NGRN: variants seen among roughly 807,000 people sequenced by gnomAD.
NGRN encodes the protein neugrin, neurite outgrowth associated, also known as neugrin.
Under a neutral mutation model 13.1 loss-of-function variants are expected in NGRN, and 12 were observed. The ratio of observed to expected loss-of-function variants is 0.92; its 90% CI spans 0.59 to 1.49. The LOEUF (loss-of-function observed/expected upper bound fraction) is 1.49, where lower values mean the gene tolerates loss of function less well. Ranked by LOEUF, NGRN falls within the 40% of genes most tolerant of loss-of-function variation. NGRN has a pLI of 0.00. For missense variants in NGRN, 397 were observed against 357.0 expected, an observed-to-expected ratio of 1.11 and a Z score of -0.90; for synonymous variants, 149 against 145.8, an observed-to-expected ratio of 1.02 and a Z score of -0.16.
chr15:90,269,377 G>T (rs12913264), intron 2 of NGRN, among the ~76,000 whole-genome samples: 31,295 of 151,258 alleles, frequency 0.21, 3,665 homozygotes, highest in East Asian at 0.39. Context: ...TGTGCAGAAT[G>T]TGCAGGTTTG....
In NGRN at chr15:90,271,733, T is replaced by A; in HGVS notation, c.821T>A (p.Val274Glu). Residue 274 changes from valine to glutamate, a missense_variant, in exon 3 of 3, where the codon GTG becomes GAG. By Grantham distance (121) the Val-to-Glu change is moderately radical. Coordinates refer to ENST00000379095, the MANE Select transcript of NGRN (RefSeq NM_001033088.3). ...EEPDNFSSKV[V>E]QRGREFFDSN... is the part of the protein sequence containing the mutation. ...CCAGATAACTTCAGCAGCAAAGTAG[T>A]GCAGAGGGGCCGAGAGTTCTTTGAC... is the stretch of plus-strand genomic sequence containing the variant. 6.2e-7 allele frequency: 1 copy of A among 1,614,186 alleles called. No individual in the cohort carries two copies. Among genetic ancestry groups the A allele is most frequent in the Non-Finnish European group, 8.5e-7 (1 of 1,180,036 alleles).
rs1371842995 is a variant in NGRN, at chr15:90,271,545, T to C, written c.633T>C (p.Asn211=). ...CACCAAGGAGAAGGAAGGGAAGAAATAAAGAAATCCAGGACCTGGAGGAGA... is the reference window on the plus strand; with the variant it reads ...CACCAAGGAGAAGGAAGGGAAGAAACAAAGAAATCCAGGACCTGGAGGAGA... The part of the protein sequence containing the change: ...TNTPRRRKGR[N]KEIQDLEESF... The change falls in exon 3 of 3, where the codon AAT becomes AAC. Residue 211 remains asparagine, a synonymous_variant. Transcript: ENST00000379095. 1 of 1,613,706 alleles carries C rather than the reference T, an allele frequency of 6.2e-7. No individual in the cohort carries two copies. The highest frequency in any genetic ancestry group is 8.5e-7 in the Non-Finnish European group (1 of 1,179,972).
At chr15:90,266,162 A>C (rs1039224454) in intron 1 of NGRN, 126 bp from the exon 2 acceptor site, 10 of 1,474,704 alleles carry the variant, frequency 6.8e-6, no homozygotes, top group South Asian at 1.4e-5. Context: ...CTAAGCCGGC[A>C]ACATGGCCCG....
At chr15:90,269,453 G>C (rs1963475474) in intron 2 of NGRN, among the ~76,000 whole-genome samples, 1 of 151,712 alleles carries the variant, frequency 6.6e-6, no homozygotes, top group Admixed American at 6.6e-5. Flanking sequence ...TTGACTCCAG[G>C]GTACCATTCC....
rs776414747 is a variant in NGRN, at chr15:90,271,488, A to G, written c.576A>G (p.Lys192=). The G allele has an allele frequency of 3.1e-6, 5 of 1,614,084 alleles. No individual in the cohort carries two copies. The South Asian group carries it at 3.3e-5, about 11-fold the overall frequency. Residue 192 remains lysine, a synonymous_variant, in exon 3 of 3, where the codon AAA becomes AAG. Coordinates refer to ENST00000379095, the MANE Select transcript of NGRN (RefSeq NM_001033088.3). ...SKDPNHSTAL[K]VIESDTHRTN... is the part of the protein sequence containing the mutation. ...ACCCAAATCACAGCACAGCTTTGAAAGTGATAGAGTCAGACACTCACAGGA... is the reference window on the plus strand; with the variant it reads ...ACCCAAATCACAGCACAGCTTTGAAGGTGATAGAGTCAGACACTCACAGGA...
intron 1 of NGRN, 79 bp downstream of exon 1, chr15:90,265,955 G>A (rs900779743): frequency 1.4e-6 from 2 of 1,428,754 alleles, no homozygotes; most frequent in Admixed American, 6.2e-5. Flanking sequence ...CCTTGGCGCC[G>A]GGTGTCCTGC....
At position 90,266,349 on chromosome 15, in the gene NGRN, C is replaced by T. The variant is rs778751736; in HGVS notation, c.226C>T (p.Pro76Ser). 6.2e-7 allele frequency: 1 copy of T among 1,613,856 alleles called. No homozygotes were observed. The highest frequency in any genetic ancestry group is 1.7e-5 in the Admixed American group (1 of 59,988). ...GAAAATTCGGAGGCAAATGGAGGCG[C>T]CTGGTGCCCCGCCCAGGACCCTGAC... ...FQKIRRQMEA[P>S]GAPPRTLTWE... is the part of the protein sequence containing the mutation. Residue 76 changes from proline (P) to serine (S), a missense_variant, in exon 2 of 3, where the codon CCT becomes TCT. Pro to Ser is a moderately conservative substitution (Grantham distance 74, BLOSUM62 -1). Coordinates refer to ENST00000379095, the MANE Select transcript of NGRN (RefSeq NM_001033088.3).
chr15:90,269,622 C>T (rs1241457274), intron 2 of NGRN, among the ~76,000 whole-genome samples: 1 of 152,156 alleles, frequency 6.6e-6, no homozygotes, highest in South Asian at 2.1e-4. Flanking sequence ...GCTAGCCACT[C>T]AGTCACCCCT....
chr15:90,266,128 G>A (rs535707442), intron 1 of NGRN, 160 bp from the exon 2 acceptor site: 1 of 1,448,796 alleles, frequency 6.9e-7, no homozygotes, highest in African/African-American at 1.4e-5. Context: ...CTAGGTGTTA[G>A]CTTTCTGGGT....
intron 2 of NGRN, among the ~76,000 whole-genome samples, chr15:90,269,560 T>C (rs1010895656): frequency 5.3e-5 from 8 of 152,140 alleles, no homozygotes; most frequent in African/African-American, 1.9e-4. Flanking sequence ...TGTTATTTCA[T>C]AGAGTTCTGT....
At chr15:90,267,220 A>G (rs1477497640) in intron 2 of NGRN, among the ~76,000 whole-genome samples, 9 of 151,094 alleles carry the variant, frequency 6.0e-5, no homozygotes, top group African/African-American at 1.2e-4. Flanking sequence ...TTTTGTAGAG[A>G]TAGCCTCATC....
Position 90,265,707 on chromosome 15 carries a change from G to T in NGRN, c.-6G>T, listed in dbSNP as rs1193037203. On this transcript the variant is annotated 5_prime_UTR_variant, in exon 1 of 3. Transcript: ENST00000379095. ...AGCCGACTGCTGAAGGCTGGTTTGC[G>T]TCGACATGGCGGTTACCCTGAGTCT... 6 of 1,613,114 alleles carry T rather than the reference G, an allele frequency of 3.7e-6. No homozygotes were observed. Among genetic ancestry groups the T allele is most frequent in the Middle Eastern group, 1.8e-4 (1 of 5,590 alleles).
rs1242883656 is a variant in NGRN at position 90,271,241 on chromosome 15, G to C, written c.329G>C (p.Gly110Ala). The C allele has an allele frequency of 6.2e-7, 1 of 1,614,026 alleles. No individual in the cohort carries two copies. Residue 110 changes from glycine to alanine, a missense_variant, in exon 3 of 3, where the codon GGC becomes GCC. Coordinates refer to ENST00000379095, the MANE Select transcript of NGRN (RefSeq NM_001033088.3). ...ESWSVPRLAE[G>A]FDVSTDVIRR... Reference sequence around the variant, plus strand: ...TGGTCAGTTCCCAGGTTGGCTGAAGGCTTTGATGTCAGCACTGATGTGATC... The same window carrying C: ...TGGTCAGTTCCCAGGTTGGCTGAAGCCTTTGATGTCAGCACTGATGTGATC...
chr15:90,266,163 A>G (rs1194001306), intron 1 of NGRN, 125 bp from the exon 2 acceptor site: 3 of 1,475,762 alleles, frequency 2.0e-6, no homozygotes, highest in East Asian at 4.9e-5. Flanking sequence ...TAAGCCGGCA[A>G]CATGGCCCGG....
At chr15:90,269,226 G>A (rs1445385427) in intron 2 of NGRN, among the ~76,000 whole-genome samples, 1 of 136,662 alleles carries the variant, frequency 7.3e-6, no homozygotes, top group Non-Finnish European at 1.6e-5. Context: ...TGTTGGCCAG[G>A]CTGGTCTTGA....
chr15:90,269,075 A>C (rs537329776), intron 2 of NGRN, among the ~76,000 whole-genome samples: 2 of 141,410 alleles, frequency 1.4e-5, no homozygotes, highest in East Asian at 4.2e-4. Context: ...GGCTCACTGC[A>C]ACCTCTGCCT....
At position 90,271,580 on chromosome 15, in the gene NGRN, C is replaced by T; in HGVS notation, c.668C>T (p.Pro223Leu). The T allele has an allele frequency of 6.2e-7, 1 of 1,614,172 alleles. No individual in the cohort carries two copies. The highest frequency in any genetic ancestry group is 1.1e-5 in the South Asian group (1 of 91,084). The change falls in exon 3 of 3, where the codon CCT becomes CTT. Residue 223 changes from proline to leucine, a missense_variant. Coordinates refer to ENST00000379095, the MANE Select transcript of NGRN (RefSeq NM_001033088.3). Reference protein sequence around the residue: ...EIQDLEESFVPVAAPLGHPRE... With the variant: ...EIQDLEESFVLVAAPLGHPRE... ...CAGGACCTGGAGGAGAGCTTTGTGC[C>T]TGTTGCTGCACCCCTAGGTCATCCA...
chr15:90,271,086 A>G, intron 2 of NGRN, 102 bp from the exon 3 acceptor site: 1 of 1,362,944 alleles, frequency 7.3e-7, no homozygotes, highest in Non-Finnish European at 1.0e-6. Flanking sequence ...GTGAGCCACC[A>G]TGCCAGGCCT....
chr15:90,269,162 A>ATTTTTTTTTTT (rs34266380), intron 2 of NGRN, among the ~76,000 whole-genome samples: 196 of 89,612 alleles, frequency 2.2e-3, no homozygotes, highest in African/African-American at 3.6e-3. Flanking sequence ...TACCTGGCTA[A>ATTTTTTTTTTT]TTTTTTTTTT....
Sources: allele counts gnomAD v4.1 joint callset (sites outside exome capture counted in the v4.1 genomes callset), GRCh38; gene constraint gnomAD v4.1.1; transcripts MANE v1.5; gene names NCBI Gene and HGNC (gene_info 2026-07-23, HGNC 2026-07-21).